Variants in RNF180 observed in about 807,000 individuals in gnomAD.
RNF180 encodes E3 ubiquitin-protein ligase RNF180.
In RNF180, 38 loss-of-function variants were observed where a neutral mutation model predicts 59.2. That is an observed-to-expected ratio of 0.64 (90% CI 0.50 to 0.84). The LOEUF is 0.84. Among genes scored for constraint, RNF180 ranks in the 40% least tolerant of loss-of-function variants. The pLI is 0.00. For synonymous variants in RNF180, 262 were observed against 240.3 expected (o/e 1.09, Z -0.84); for missense variants, 705 against 700.9 (o/e 1.01, Z -0.07).
chr5:64,369,621 G>A lies in RNF180; in HGVS notation c.1586G>A (p.Arg529His), dbSNP rs76090587. The change falls in exon 8 of 8, where the codon CGC (arginine) becomes CAC (histidine). Residue 529 changes from arginine to histidine, a missense_variant. Arg to His is a conservative substitution (Grantham distance 29, BLOSUM62 0). Coordinates refer to ENST00000389100, the MANE Select transcript of RNF180 (RefSeq NM_001113561.2). Reference sequence around the variant, plus strand: ...ATGTTCATACATCTTCTAGGTTTCCGCAGACATGCAGCTCCAGTTACAAGA... The same window carrying A: ...ATGTTCATACATCTTCTAGGTTTCCACAGACATGCAGCTCCAGTTACAAGA... ...RKAFHLFGGF[R>H]RHAAPVTRRQ... 162,275 of 1,507,832 alleles carry A rather than the reference G, an allele frequency of 0.11. 9,547 individuals are homozygous for A. Among genetic ancestry groups the A allele is most frequent in the South Asian group, 0.18 (13,762 of 76,086 alleles). 93.4% of individuals were successfully genotyped at this position (1,507,832 alleles called of 1,614,324 possible).
chr5:64,302,352 T>C (rs1743204059), intron 5 of RNF180, among the ~76,000 whole-genome samples: 1 of 151,636 alleles, frequency 6.6e-6, no homozygotes, highest in South Asian at 2.1e-4. Flanking sequence ...TTAGTTCGGA[T>C]TCTGTTCTCT....
intron 2 of RNF180, among the ~76,000 whole-genome samples, chr5:64,204,823 ACC>A (rs1229647792): frequency 6.6e-6 from 1 of 152,056 alleles, no homozygotes; most frequent in South Asian, 2.1e-4. Context: ...TTTCTCATTT[ACC>A]CTCATACTGA....
rs545181465 is a variant in RNF180 at position 64,356,072 on chromosome 5, A to G, written c.1580-13543A>G. On this transcript the variant is annotated intron_variant, in intron 7 of 7. Coordinates refer to ENST00000389100, the MANE Select transcript of RNF180 (RefSeq NM_001113561.2). Reference sequence around the variant, plus strand: ...GGAGTTCAAGACCAACCTGGGCAACATAACAAGACCCTGTCTCTAAAAAAA... The same window carrying G: ...GGAGTTCAAGACCAACCTGGGCAACGTAACAAGACCCTGTCTCTAAAAAAA... Among the ~76,000 whole-genome samples the G allele has an allele frequency of 9.2e-5, 14 of 151,902 alleles. No individual in the cohort carries two copies. The South Asian group carries it at 2.9e-3, about 31-fold the overall frequency.
At chr5:64,252,128 A>G (rs1743617872) in intron 5 of RNF180, among the ~76,000 whole-genome samples, 1 of 152,234 alleles carries the variant, frequency 6.6e-6, no homozygotes, top group Non-Finnish European at 1.5e-5. Flanking sequence ...TCTTCAAAAT[A>G]TACTACAGAT....
intron 5 of RNF180, among the ~76,000 whole-genome samples, chr5:64,312,658 T>C (rs991723811): frequency 6.6e-6 from 1 of 152,092 alleles, no homozygotes; most frequent in Non-Finnish European, 1.5e-5. Flanking sequence ...GTTTCACTGA[T>C]TGTTGGTAAT....
In RNF180 at chr5:64,360,263, C is replaced by T. The variant is rs551193908; in HGVS notation, c.1580-9352C>T. ...TTCACAATATTGATTCTTCAATATA[C>T]GCAAATCAATAAATGTAATCCAGCA... On this transcript the variant is annotated intron_variant, in intron 7 of 7. Coordinates refer to ENST00000389100, the MANE Select transcript of RNF180 (RefSeq NM_001113561.2). 5.4e-4 allele frequency among the ~76,000 whole-genome samples: 81 copies of T among 150,420 alleles called. 1 individual carries two copies. The highest frequency in any genetic ancestry group is 3.9e-3 in the Admixed American group (58 of 14,962).
At chr5:64,223,858 G>GA (rs1340830961) in intron 5 of RNF180, among the ~76,000 whole-genome samples, 43 of 152,192 alleles carry the variant, frequency 2.8e-4, no homozygotes, top group Admixed American at 2.7e-3. Context: ...AATGGAAGTA[G>GA]AGGGGGGGAG....
chr5:64,240,850 C>T (rs1742765964), intron 5 of RNF180, among the ~76,000 whole-genome samples: 1 of 152,168 alleles, frequency 6.6e-6, no homozygotes, highest in East Asian at 1.9e-4. Context: ...GAAGTAGTGA[C>T]CTACCTACCT....
chr5:64,253,979 AC>A (rs1743763001), intron 5 of RNF180, among the ~76,000 whole-genome samples: 1 of 152,230 alleles, frequency 6.6e-6, no homozygotes, highest in South Asian at 2.1e-4. Context: ...ATTTACCCTT[AC>A]CACTAAAGGG....
chr5:64,207,391 A>G (rs2112087753), intron 2 of RNF180, among the ~76,000 whole-genome samples: 1 of 152,182 alleles, frequency 6.6e-6, no homozygotes, highest in East Asian at 1.9e-4. Flanking sequence ...AAGATTCAGG[A>G]CCAGCGTGTT....
chr5:64,261,523 T>C (rs1033629979), intron 5 of RNF180, among the ~76,000 whole-genome samples: 3 of 152,198 alleles, frequency 2.0e-5, no homozygotes, highest in South Asian at 4.1e-4. Flanking sequence ...CTTTCATTCA[T>C]TGGGTTTCAG....
At position 64,349,073 on chromosome 5, in the gene RNF180, G is replaced by T. The variant is rs553931773; in HGVS notation, c.1579+18667G>T. Among the ~76,000 whole-genome samples, 4 of 152,190 alleles carry T rather than the reference G, an allele frequency of 2.6e-5. No homozygotes were observed. In the South Asian group the frequency reaches 6.2e-4, roughly 24 times the overall value. On this transcript the variant is annotated intron_variant, in intron 7 of 7. Transcript: ENST00000389100. ...TAAAGTGTTTCCTAAAAGGACACCTGTTGGTCAATTCTAACCCAACACTGC... is the reference window on the plus strand; with the variant it reads ...TAAAGTGTTTCCTAAAAGGACACCTTTTGGTCAATTCTAACCCAACACTGC...
chr5:64,233,929 G>C (rs1020192538), intron 5 of RNF180, among the ~76,000 whole-genome samples: 10 of 152,262 alleles, frequency 6.6e-5, no homozygotes, highest in African/African-American at 2.4e-4. Flanking sequence ...GAATGCCCTG[G>C]TCTGGTTCAG....
At chr5:64,302,349 G>T (rs115149171) in intron 5 of RNF180, among the ~76,000 whole-genome samples, 1 of 151,320 alleles carries the variant, frequency 6.6e-6, no homozygotes, top group East Asian at 1.9e-4. Flanking sequence ...TTTTTAGTTC[G>T]GATTCTGTTC....
intron 1 of RNF180, among the ~76,000 whole-genome samples, chr5:64,171,260 A>G (rs1482903581): frequency 6.6e-6 from 1 of 152,218 alleles, no homozygotes; most frequent in Non-Finnish European, 1.5e-5. Context: ...ATAATGCTAG[A>G]CTGTTTGTAA....
At chr5:64,301,494 CTG>C (rs1378831981) in intron 5 of RNF180, among the ~76,000 whole-genome samples, 1 of 151,630 alleles carries the variant, frequency 6.6e-6, no homozygotes, top group Non-Finnish European at 1.5e-5. Flanking sequence ...TTCTGGTTAA[CTG>C]TGTTTTATTT....
chr5:64,233,447 C>T (rs6882563), intron 5 of RNF180, among the ~76,000 whole-genome samples: 43,532 of 151,868 alleles, frequency 0.29, 6,460 homozygotes, highest in African/African-American at 0.35. Flanking sequence ...TAAAAATTAA[C>T]GAGAAATTAA....
At chr5:64,272,232 A>G (rs909130306) in intron 5 of RNF180, among the ~76,000 whole-genome samples, 6 of 152,064 alleles carry the variant, frequency 3.9e-5, no homozygotes, top group African/African-American at 1.2e-4. Context: ...TAGGGGACCT[A>G]TTTTAGTTTG....
At chr5:64,317,597 TACACACACACACACAC>T (rs750376789) in intron 5 of RNF180, among the ~76,000 whole-genome samples, 2 of 123,868 alleles carry the variant, frequency 1.6e-5, no homozygotes, top group Non-Finnish European at 3.2e-5. Context: ...TACATATTTA[TACACACACACACACAC>T]ACACATATAT....
Sources: allele counts gnomAD v4.1 joint callset (sites outside exome capture counted in the v4.1 genomes callset), GRCh38; gene constraint gnomAD v4.1.1; transcripts MANE v1.5; gene names NCBI Gene and HGNC (gene_info 2026-07-23, HGNC 2026-07-21).